The following ABCA13 variants were observed in gnomAD, a reference collection of about 807,000 sequenced individuals.
The protein encoded by ABCA13 is ATP-binding cassette sub-family A member 13.
ABCA13 carries 476 observed loss-of-function variants against 478.7 expected under a neutral mutation model. The ratio of observed to expected loss-of-function variants is 0.99; its 90% CI spans 0.92 to 1.07. The LOEUF (loss-of-function observed/expected upper bound fraction) is 1.07. ABCA13 is among the 50% of genes least tolerant of loss of function. ABCA13 has a pLI of 0.00. For synonymous variants in ABCA13, 2,252 were observed against 2,158.9 expected, an observed-to-expected ratio of 1.04 and a Z score of -1.20; for missense variants, 6,060 against 5,910.6, an observed-to-expected ratio of 1.03 and a Z score of -0.83.
intron 15 of ABCA13, among the ~76,000 whole-genome samples, chr7:48,262,185 C>T (rs910562095): frequency 1.3e-5 from 2 of 151,976 alleles, no homozygotes; most frequent in African/African-American, 4.8e-5. Context: ...AATGTTGTTA[C>T]ATCCATACCA....
chr7:48,496,784 CAAATTAGAAATCCATTACTAT>C (rs1830313346), intron 48 of ABCA13, among the ~76,000 whole-genome samples: 1 of 152,066 alleles, frequency 6.6e-6, no homozygotes, highest in Non-Finnish European at 1.5e-5. Context: ...TCCATGGTTT[CAAATTAGAAATCCATTACTAT>C]TCTAGTTGGT....
intron 15 of ABCA13, among the ~76,000 whole-genome samples, chr7:48,252,560 G>A (rs549831265): frequency 2.0e-5 from 3 of 152,186 alleles, no homozygotes; most frequent in African/African-American, 7.2e-5. Flanking sequence ...AAGTATTTGT[G>A]TATTTAAGCC....
chr7:48,280,912 T>C (rs575849961), intron 18 of ABCA13, among the ~76,000 whole-genome samples: 40 of 152,338 alleles, frequency 2.6e-4, no homozygotes, highest in African/African-American at 8.9e-4. Flanking sequence ...TTAGTGCTCT[T>C]CTCTGAATTG....
At chr7:48,343,548 T>G (rs1013227624) in intron 29 of ABCA13, among the ~76,000 whole-genome samples, 4 of 152,176 alleles carry the variant, frequency 2.6e-5, no homozygotes, top group Non-Finnish European at 4.4e-5. Flanking sequence ...ACCTTTGAGC[T>G]TTTGCTGCCT....
At chr7:48,561,665 T>C (rs889574943) in intron 55 of ABCA13, among the ~76,000 whole-genome samples, 3 of 152,160 alleles carry the variant, frequency 2.0e-5, no homozygotes, top group African/African-American at 7.2e-5. Context: ...CTTACAAATA[T>C]TTTCTCCCAA....
chr7:48,537,253 T>C (rs899058237), intron 55 of ABCA13, among the ~76,000 whole-genome samples: 13 of 152,220 alleles, frequency 8.5e-5, no homozygotes, highest in Admixed American at 2.0e-4. Flanking sequence ...GTGTTTTTTG[T>C]GTTTTTCATC....
In ABCA13 at chr7:48,313,054, T is replaced by C. The variant is rs1420893678; in HGVS notation, c.9517-13T>C. On this transcript the variant is annotated splice_polypyrimidine_tract_variant and intron_variant, in intron 24 of 61. Coordinates refer to ENST00000435803, the MANE Select transcript of ABCA13 (RefSeq NM_152701.5). The stretch of plus-strand genomic sequence containing the variant: ...GTTATTTCATGTTGTTTTGTTTTTG[T>C]TTTGTCCTTTAGACTCTGATGCCTT... 6.5e-7 allele frequency: 1 copy of C among 1,535,930 alleles called. No homozygotes were observed. Among genetic ancestry groups the C allele is most frequent in the Non-Finnish European group, 8.8e-7 (1 of 1,141,710 alleles).
chr7:48,401,135 A>G (rs554857709), intron 38 of ABCA13, among the ~76,000 whole-genome samples: 2 of 152,204 alleles, frequency 1.3e-5, no homozygotes, highest in South Asian at 2.1e-4. Context: ...TCCAAATACA[A>G]TGTGGTTCTA....
intron 38 of ABCA13, among the ~76,000 whole-genome samples, chr7:48,394,285 C>T (rs900633091): frequency 1.3e-5 from 2 of 152,206 alleles, no homozygotes; most frequent in African/African-American, 4.8e-5. Flanking sequence ...GCCCTGCCAG[C>T]CTCTCTTGCT....
At chr7:48,208,916 C>T (rs1027033666) in intron 3 of ABCA13, among the ~76,000 whole-genome samples, 4 of 152,042 alleles carry the variant, frequency 2.6e-5, no homozygotes, top group African/African-American at 9.7e-5. Flanking sequence ...TTCCCCTGTT[C>T]AGTATGCTAG....
chr7:48,404,254 G>A (rs1374958835), intron 39 of ABCA13: 1 of 268,006 alleles, frequency 3.7e-6, no homozygotes, highest in African/African-American at 2.3e-5. Flanking sequence ...AGAGAGACGG[G>A]CATGTGATTT....
intron 31 of ABCA13, among the ~76,000 whole-genome samples, chr7:48,352,710 T>C (rs1809245510): frequency 1.3e-5 from 2 of 152,100 alleles, no homozygotes; most frequent in African/African-American, 4.8e-5. Context: ...AAGTTTTAAA[T>C]TTGACATCAG....
intron 1 of ABCA13, among the ~76,000 whole-genome samples, chr7:48,186,223 G>A (rs946619597): frequency 6.6e-6 from 1 of 152,012 alleles, no homozygotes; most frequent in Non-Finnish European, 1.5e-5. Flanking sequence ...CTATTTGAAA[G>A]TTTCTTTAGT....
intron 56 of ABCA13, among the ~76,000 whole-genome samples, chr7:48,585,100 C>T (rs976650299): frequency 6.6e-6 from 1 of 152,170 alleles, no homozygotes; most frequent in African/African-American, 2.4e-5. Context: ...ATGACTACTT[C>T]TGCTATCTCT....
chr7:48,216,585 T>C (rs1383812983), intron 3 of ABCA13, among the ~76,000 whole-genome samples: 1 of 152,220 alleles, frequency 6.6e-6, no homozygotes, highest in Non-Finnish European at 1.5e-5. Flanking sequence ...TAAAAGTTTT[T>C]AATTTTCATG....
intron 32 of ABCA13, among the ~76,000 whole-genome samples, chr7:48,368,714 T>TATATATATAC (rs1455176603): frequency 8.4e-6 from 1 of 118,562 alleles, no homozygotes; most frequent in African/African-American, 3.0e-5. Flanking sequence ...TATATATATA[T>TATATATATAC]ACACATACAC....
Position 48,338,440 on chromosome 7 carries a change from A to G in ABCA13, c.10189A>G (p.Lys3397Glu). ...LHIDVDKLTE[K>E]LQTYGGLLDE... The stretch of plus-strand genomic sequence containing the variant: ...CATTGATGTAGACAAACTTACTGAA[A>G]AACTCCAGACATACGGTAAGTGTGC... Residue 3397 changes from lysine to glutamate, a missense_variant, in exon 29 of 62, where the codon AAA becomes GAA. Physicochemically the swap from Lys to Glu is moderately conservative, Grantham distance 56. Transcript: ENST00000435803. The G allele has an allele frequency of 6.3e-7, 1 of 1,594,344 alleles. No individual in the cohort carries two copies. The highest frequency in any genetic ancestry group is 8.5e-7 in the Non-Finnish European group (1 of 1,169,606).
chr7:48,237,702 C>T (rs970334492), intron 8 of ABCA13, among the ~76,000 whole-genome samples: 3 of 152,172 alleles, frequency 2.0e-5, no homozygotes, highest in South Asian at 2.1e-4. Flanking sequence ...GAGAATAGTC[C>T]TCCTCTTTCC....
intron 42 of ABCA13, among the ~76,000 whole-genome samples, chr7:48,442,382 C>T (rs11765338): frequency 0.16 from 23,684 of 152,142 alleles, 1,918 homozygotes; most frequent in East Asian, 0.23. Context: ...CAAACCCTCA[C>T]GAGGTTCAGC....
Sources: gnomAD v4.1 joint callset for allele counts (sites outside exome capture counted in the v4.1 genomes callset) on GRCh38, gnomAD v4.1.1 for gene constraint, MANE v1.5 for transcripts, NCBI Gene and HGNC (gene_info 2026-07-23, HGNC 2026-07-21) for gene names.